Variants in SYNE1 observed in about 807,000 individuals in gnomAD.
SYNE1 encodes the protein spectrin repeat containing nuclear envelope protein 1, also known as nesprin-1.
Under a neutral mutation model 1,111.0 loss-of-function variants are expected in SYNE1, and 616 were observed. The observed-to-expected ratio is 0.55, with a 90% confidence interval of 0.52 to 0.59. The LOEUF (loss-of-function observed/expected upper bound fraction) is 0.59, where lower values mean the gene tolerates loss of function less well. Ranked by LOEUF, SYNE1 falls within the 20% of genes least tolerant of loss-of-function variation. SYNE1 has a pLI of 0.00. For missense variants in SYNE1, 10,006 were observed against 10,417.0 expected (o/e 0.96, Z 1.72); for synonymous variants, 3,855 against 3,825.8 (o/e 1.01, Z -0.28).
Position 152,189,282 on chromosome 6 carries a change from C to A in SYNE1, c.23271G>T (p.Leu7757=), listed in dbSNP as rs993878825. 2 of 1,613,986 alleles carry A rather than the reference C, an allele frequency of 1.2e-6. No individual in the cohort carries two copies. Among genetic ancestry groups the A allele is most frequent in the Middle Eastern group, 1.7e-4 (1 of 6,058 alleles). Residue 7757 remains leucine (L), a synonymous_variant, in exon 128 of 146, where the codon CTG becomes CTT. Transcript: ENST00000367255. ...ISILNERVEL[L]QRQWEELCHQ... is the part of the protein sequence containing the mutation. ...GGCATAGTTCTTCCCACTGCCTTTGCAGAAGCTCTACGCGTTCATTAAGAA... is the reference window on the plus strand; with the variant it reads ...GGCATAGTTCTTCCCACTGCCTTTGAAGAAGCTCTACGCGTTCATTAAGAA...
At chr6:152,278,066 G>A (rs375044999) in intron 98 of SYNE1, 23 bp downstream of exon 98, 1 of 1,613,194 alleles carries the variant, frequency 6.2e-7, no homozygotes, top group African/African-American at 1.3e-5. Flanking sequence ...TTTCAGCTGT[G>A]GGCCAGCGGC....
intron 106 of SYNE1, 27 bp from the exon 107 acceptor site, chr6:152,242,467 C>G (rs2085955034): frequency 1.2e-6 from 2 of 1,612,354 alleles, no homozygotes; most frequent in Non-Finnish European, 1.7e-6. Context: ...ACAAGACTCA[C>G]TCTCAATTCA....
At chr6:152,243,542 C>T (rs1038463052) in intron 106 of SYNE1, among the ~76,000 whole-genome samples, 4 of 152,098 alleles carry the variant, frequency 2.6e-5, no homozygotes, top group African/African-American at 9.7e-5. Context: ...TGCCTATTTA[C>T]GGCAATGACA....
chr6:152,396,970 T>A lies in SYNE1; in HGVS notation c.7361A>T (p.Asp2454Val). The A allele has an allele frequency of 6.2e-7, 1 of 1,614,104 alleles. No individual in the cohort carries two copies. Among genetic ancestry groups the A allele is most frequent in the East Asian group, 2.2e-5 (1 of 44,878 alleles). The change falls in exon 50 of 146, where the codon GAC becomes GTC. Residue 2454 changes from aspartate (D) to valine (V), a missense_variant. Asp to Val is a radical substitution (Grantham distance 152). Coordinates refer to ENST00000367255, the MANE Select transcript of SYNE1 (RefSeq NM_182961.4). ...TTTGCTCTGCCCATCACTGACTGAG[T>A]CCAAAATGTTCTGTTTCAGGAAATA... The part of the protein sequence containing the change: ...AKLHDLQNIL[D>V]SVSDGQSKLD...
chr6:152,592,940 C>G (rs938954168), intron 3 of SYNE1, among the ~76,000 whole-genome samples: 1 of 152,140 alleles, frequency 6.6e-6, no homozygotes, highest in Non-Finnish European at 1.5e-5. Context: ...AGCAGCCTGG[C>G]TGGGGCAGTT....
chr6:152,500,176 T>C (rs1288225755), intron 10 of SYNE1, among the ~76,000 whole-genome samples: 1 of 152,188 alleles, frequency 6.6e-6, no homozygotes, highest in Admixed American at 6.5e-5. Context: ...GATGGAAGTT[T>C]GGATGGATTT....
intron 44 of SYNE1, among the ~76,000 whole-genome samples, chr6:152,408,615 C>T (rs781320789): frequency 1.3e-5 from 2 of 152,100 alleles, no homozygotes; most frequent in Admixed American, 6.6e-5. Flanking sequence ...TATGTGAGCA[C>T]GGTTTTTCCT....
chr6:152,441,348 T>A, intron 31 of SYNE1, 78 bp from the exon 32 acceptor site: 1 of 1,478,188 alleles, frequency 6.8e-7, no homozygotes, highest in Non-Finnish European at 9.2e-7. Flanking sequence ...TTTGCAAAAC[T>A]GTCAACTTTC....
rs1424366354 is a variant in SYNE1 at position 152,416,498 on chromosome 6, T to A, written c.5939A>T (p.Lys1980Ile). Residue 1980 changes from lysine to isoleucine, a missense_variant, in exon 41 of 146, where the codon AAA becomes ATA. Around this residue, in one of 7 missense-constraint regions of SYNE1, gnomAD observed 4,955 missense variants for 5,017.2 expected, o/e 0.99. Coordinates refer to ENST00000367255, the MANE Select transcript of SYNE1 (RefSeq NM_182961.4). ...CTCTTTCTGGTCTTGGAATGCTTTT[T>A]TCAACACTGCCAGAGCATCTGCCTC... ...QSEADALAVL[K>I]KAFQDQKEEL... The A allele has an allele frequency of 6.2e-7, 1 of 1,613,986 alleles. No individual in the cohort carries two copies. Among genetic ancestry groups the A allele is most frequent in the East Asian group, 2.2e-5 (1 of 44,866 alleles).
At chr6:152,323,833 A>G (rs2153940371) in intron 81 of SYNE1, 96 bp from the exon 82 acceptor site, 1 of 1,379,734 alleles carries the variant, frequency 7.2e-7, no homozygotes, top group East Asian at 2.4e-5. Context: ...GTATGAAGCC[A>G]ATTAAAGATG....
chr6:152,410,304 T>G (rs1469722515), intron 42 of SYNE1: 1 of 152,522 alleles, frequency 6.6e-6, no homozygotes, highest in African/African-American at 2.4e-5. Flanking sequence ...TGAATGCACT[T>G]TCTCTCATTT....
intron 127 of SYNE1, among the ~76,000 whole-genome samples, chr6:152,190,131 G>A (rs77104046): frequency 0.032 from 4,924 of 152,148 alleles, 107 homozygotes; most frequent in Middle Eastern, 0.082. Flanking sequence ...TCTTGTTGAC[G>A]GCCATACCAC....
chr6:152,122,768 C>G lies in SYNE1; in HGVS notation c.26154-92G>C, dbSNP rs942974890. On this transcript the variant is annotated intron_variant, in intron 145 of 145. Transcript: ENST00000367255. ...CTGCACCTTCCTGGAAGCTAAAGGG[C>G]CATGCCAAGCACACCCCAGCCTGGC... 3 of 1,588,790 alleles carry G rather than the reference C, an allele frequency of 1.9e-6. No individual in the cohort carries two copies. The African/African-American group carries it at 4.0e-5, about 21-fold the overall frequency.
At chr6:152,507,778 C>G (rs2099065773) in intron 8 of SYNE1, among the ~76,000 whole-genome samples, 1 of 152,010 alleles carries the variant, frequency 6.6e-6, no homozygotes, top group Non-Finnish European at 1.5e-5. Flanking sequence ...AATAGTTATG[C>G]AAATGTAAGA....
chr6:152,429,340 A>C (rs994463563), intron 36 of SYNE1, among the ~76,000 whole-genome samples: 1 of 152,174 alleles, frequency 6.6e-6, no homozygotes, highest in Non-Finnish European at 1.5e-5. Context: ...TTAGTTGTCT[A>C]TAAAAATAAT....
rs555355654 is a variant in SYNE1 at position 152,329,927 on chromosome 6, T to C, written c.14758A>G (p.Ile4920Val). The change falls in exon 78 of 146, where the codon ATC (isoleucine) becomes GTC (valine). Residue 4920 changes from isoleucine to valine, a missense_variant. Around this residue, in one of 7 missense-constraint regions of SYNE1, gnomAD observed 4,955 missense variants for 5,017.2 expected, o/e 0.99. Transcript: ENST00000367255. ...PVYLDLNLQD[I>V]QEEIRKIQIH... ...TGGATTTTTCTGATTTCCTCTTGGA[T>C]GTCCTGCAGGTTGAGGTCTAGGTAC... 1.2e-6 allele frequency: 2 copies of C among 1,614,206 alleles called. No homozygotes were observed. Among genetic ancestry groups the C allele is most frequent in the African/African-American group, 1.3e-5 (1 of 75,044 alleles).
At chr6:152,532,356 T>C (rs2099207400) in intron 4 of SYNE1, among the ~76,000 whole-genome samples, 1 of 152,242 alleles carries the variant, frequency 6.6e-6, no homozygotes, top group Admixed American at 6.5e-5. Context: ...AAATGGTTTT[T>C]ACTTTTGAGA....
intron 92 of SYNE1, among the ~76,000 whole-genome samples, chr6:152,301,244 A>G (rs758365274): frequency 4.3e-4 from 66 of 152,238 alleles, no homozygotes; most frequent in Admixed American, 2.0e-4. Flanking sequence ...GAGGCACAGC[A>G]CATATAAGGG....
At chr6:152,498,316 C>T (rs1403056965) in intron 11 of SYNE1, among the ~76,000 whole-genome samples, 3 of 152,220 alleles carry the variant, frequency 2.0e-5, no homozygotes, top group African/African-American at 7.2e-5. Context: ...AGTGAGGAAA[C>T]TCAGACTGAC....
Sources: allele counts gnomAD v4.1 joint callset (sites outside exome capture counted in the v4.1 genomes callset), GRCh38; gene constraint gnomAD v4.1.1; regional missense constraint gnomAD v4.1.1; transcripts MANE v1.5; gene names NCBI Gene and HGNC (gene_info 2026-07-23, HGNC 2026-07-21).